Variants in PTPRD observed in about 807,000 individuals in gnomAD.
PTPRD encodes the protein receptor-type tyrosine-protein phosphatase delta.
PTPRD carries 34 observed loss-of-function variants against 214.5 expected under a neutral mutation model. The ratio of observed to expected loss-of-function variants is 0.16; its 90% CI spans 0.12 to 0.21. PTPRD has a LOEUF of 0.21. PTPRD is among the 10% of genes least tolerant of loss of function. The pLI, the probability that PTPRD is intolerant of heterozygous loss-of-function variation, is 1.00. For missense variants in PTPRD, 2,545 were observed against 2,398.7 expected (o/e 1.06, Z -1.27); for synonymous variants, 1,128 against 845.7 (o/e 1.33, Z -5.79).
intron 11 of PTPRD, among the ~76,000 whole-genome samples, chr9:8,791,203 A>G (rs867465807): frequency 3.3e-5 from 5 of 152,210 alleles, no homozygotes; most frequent in Middle Eastern, 3.4e-3. Flanking sequence ...TACAATGCAG[A>G]GGAGAAGACA....
At chr9:9,840,353 C>G (rs1437029607) in intron 5 of PTPRD, among the ~76,000 whole-genome samples, 1 of 152,008 alleles carries the variant, frequency 6.6e-6, no homozygotes, top group Non-Finnish European at 1.5e-5. Flanking sequence ...AAGGAAAACA[C>G]AAATTTAATC....
At chr9:9,136,286 T>A (rs1445860067) in intron 10 of PTPRD, among the ~76,000 whole-genome samples, 2 of 152,192 alleles carry the variant, frequency 1.3e-5, no homozygotes, top group African/African-American at 4.8e-5. Context: ...GTCATGGTTG[T>A]TTTTAGATTA....
intron 39 of PTPRD, among the ~76,000 whole-genome samples, chr9:8,370,902 T>A (rs1259523137): frequency 6.6e-6 from 1 of 152,104 alleles, no homozygotes; most frequent in Non-Finnish European, 1.5e-5. Flanking sequence ...TGCTGTTTTT[T>A]CTTCTGTGAA....
intron 8 of PTPRD, among the ~76,000 whole-genome samples, chr9:9,406,167 T>C (rs1205032991): frequency 6.6e-6 from 1 of 151,990 alleles, no homozygotes; most frequent in African/African-American, 2.4e-5. Context: ...AAGACAAATG[T>C]TTTTGAAACA....
chr9:9,630,737 T>C (rs1343841814), intron 7 of PTPRD, among the ~76,000 whole-genome samples: 1 of 152,192 alleles, frequency 6.6e-6, no homozygotes, highest in Non-Finnish European at 1.5e-5. Flanking sequence ...GATTTTATAA[T>C]ATTCACATAT....
intron 9 of PTPRD, among the ~76,000 whole-genome samples, chr9:9,208,844 GT>G (rs2099946651): frequency 6.6e-6 from 1 of 150,932 alleles, no homozygotes; most frequent in South Asian, 2.1e-4. Flanking sequence ...GTCTCGCTCT[GT>G]CGCCAAAGCT....
intron 5 of PTPRD, among the ~76,000 whole-genome samples, chr9:9,794,120 C>T (rs890126894): frequency 6.6e-6 from 1 of 151,030 alleles, no homozygotes; most frequent in East Asian, 1.9e-4. Context: ...GACAGATAAA[C>T]ATCTATTAAA....
chr9:10,246,568 A>G (rs1595246011), intron 3 of PTPRD, among the ~76,000 whole-genome samples: 1 of 152,236 alleles, frequency 6.6e-6, no homozygotes, highest in East Asian at 1.9e-4. Flanking sequence ...AAATAGTTCT[A>G]ATTCCTGCAG....
intron 11 of PTPRD, among the ~76,000 whole-genome samples, chr9:8,883,123 C>T (rs1453858553): frequency 6.6e-6 from 1 of 152,142 alleles, no homozygotes; most frequent in Non-Finnish European, 1.5e-5. Flanking sequence ...AATTGAGCAT[C>T]TACTATGTGT....
intron 12 of PTPRD, among the ~76,000 whole-genome samples, chr9:8,703,662 A>C (rs1396750620): frequency 2.0e-5 from 3 of 152,122 alleles, no homozygotes; most frequent in Non-Finnish European, 4.4e-5. Context: ...GGGAACCCAA[A>C]GCTTGGGTCT....
At chr9:9,127,210 GA>G (rs1159073829) in intron 10 of PTPRD, among the ~76,000 whole-genome samples, 5 of 152,080 alleles carry the variant, frequency 3.3e-5, no homozygotes, top group African/African-American at 1.2e-4. Flanking sequence ...AGAATACCTG[GA>G]AAAAATCCAC....
At chr9:9,348,083 G>A (rs558127539) in intron 9 of PTPRD, among the ~76,000 whole-genome samples, 4 of 152,258 alleles carry the variant, frequency 2.6e-5, no homozygotes, top group South Asian at 4.1e-4. Flanking sequence ...TCAAGCTAGA[G>A]AGTTGATTGA....
At chr9:8,542,468 T>A (rs2078726263) in intron 14 of PTPRD, among the ~76,000 whole-genome samples, 1 of 152,174 alleles carries the variant, frequency 6.6e-6, no homozygotes, top group Admixed American at 6.5e-5. Flanking sequence ...GGGTTGGTAA[T>A]ATTTTGAAGA....
intron 11 of PTPRD, among the ~76,000 whole-genome samples, chr9:8,999,055 C>T (rs982844996): frequency 5.9e-5 from 9 of 151,942 alleles, no homozygotes; most frequent in South Asian, 4.1e-4. Context: ...TTGCATGAGA[C>T]GGAATCTACT....
At chr9:8,490,484 C>A (rs1263204849) in intron 27 of PTPRD, among the ~76,000 whole-genome samples, 1 of 152,168 alleles carries the variant, frequency 6.6e-6, no homozygotes, top group East Asian at 1.9e-4. Flanking sequence ...TTTCCAAATT[C>A]TCCCTGTCAC....
chr9:10,339,983 A>G (rs1160469337), intron 3 of PTPRD, among the ~76,000 whole-genome samples: 1 of 151,804 alleles, frequency 6.6e-6, no homozygotes, highest in African/African-American at 2.4e-5. Context: ...CATATTGACA[A>G]TATATCCCTA....
At chr9:9,955,659 G>C (rs1233152749) in intron 4 of PTPRD, among the ~76,000 whole-genome samples, 1 of 151,924 alleles carries the variant, frequency 6.6e-6, no homozygotes, top group Non-Finnish European at 1.5e-5. Context: ...AAGTAGCTGG[G>C]ACTACAGGTG....
intron 4 of PTPRD, among the ~76,000 whole-genome samples, chr9:9,979,895 C>T (rs921171484): frequency 4.6e-5 from 7 of 151,948 alleles, no homozygotes; most frequent in Non-Finnish European, 1.0e-4. Context: ...GGGCAAAATA[C>T]GGGATGCTTG....
intron 11 of PTPRD, among the ~76,000 whole-genome samples, chr9:8,902,036 T>C (rs944718131): frequency 1.3e-5 from 2 of 152,174 alleles, no homozygotes; most frequent in Non-Finnish European, 2.9e-5. Context: ...TTCTACACAA[T>C]TGCACATACA....
Sources: allele counts gnomAD v4.1 joint callset (sites outside exome capture counted in the v4.1 genomes callset), GRCh38; gene constraint gnomAD v4.1.1; transcripts MANE v1.5; gene names NCBI Gene and HGNC (gene_info 2026-07-23, HGNC 2026-07-21).